The following PTPRT variants were observed in gnomAD, a reference collection of about 807,000 sequenced individuals.
PTPRT encodes receptor-type tyrosine-protein phosphatase T.
A neutral mutation model predicts 176.8 loss-of-function variants in PTPRT; 56 were observed. That is an observed-to-expected ratio of 0.32 (90% CI 0.26 to 0.40). PTPRT has a LOEUF of 0.40. PTPRT is among the 10% of genes least tolerant of loss of function. PTPRT has a pLI of 1.00. For synonymous variants in PTPRT, 783 were observed against 739.0 expected, an observed-to-expected ratio of 1.06 and a Z score of -0.96; for missense variants, 1,540 against 1,908.2, an observed-to-expected ratio of 0.81 and a Z score of 3.60.
chr20:43,005,768 C>A (rs1191881048), intron 1 of PTPRT, among the ~76,000 whole-genome samples: 1 of 152,116 alleles, frequency 6.6e-6, no homozygotes, highest in Non-Finnish European at 1.5e-5. Flanking sequence ...ATTTGGACAG[C>A]AGATCAAAAA....
intron 1 of PTPRT, among the ~76,000 whole-genome samples, chr20:42,968,204 G>A (rs139314853): frequency 1.6e-3 from 247 of 152,244 alleles, no homozygotes; most frequent in Non-Finnish European, 2.9e-3. Context: ...TTAACAGAGC[G>A]GAGTTGTCTC....
chr20:42,575,696 A>G (rs941558294), intron 7 of PTPRT, among the ~76,000 whole-genome samples: 8 of 152,152 alleles, frequency 5.3e-5, no homozygotes, highest in African/African-American at 1.9e-4. Context: ...AACACTAGGC[A>G]GTGGGCCACA....
At chr20:42,263,631 G>A (rs2056791384) in intron 13 of PTPRT, among the ~76,000 whole-genome samples, 1 of 150,858 alleles carries the variant, frequency 6.6e-6, no homozygotes, top group Non-Finnish European at 1.5e-5. Flanking sequence ...CGCCCACCTT[G>A]GCCTCCCAAA....
intron 7 of PTPRT, among the ~76,000 whole-genome samples, chr20:42,650,489 G>T (rs957690501): frequency 6.6e-6 from 1 of 152,154 alleles, no homozygotes. Context: ...TCAATCAGCT[G>T]CAGTAGAGGG....
chr20:42,084,766 C>T lies in PTPRT; in HGVS notation c.4052G>A (p.Arg1351His), dbSNP rs1270158620. ...TCGTCGGACCACTTTGAGCAGAGAG[C>T]GCTTGGAGGGGGGCGTGTCCCGGTA... The part of the protein sequence containing the change: ...PAYRDTPPSK[R>H]SLLKVVRRLE... The change falls in exon 29 of 31, where the codon CGC becomes CAC. Residue 1351 changes from arginine to histidine, a missense_variant. By Grantham distance (29) the Arg-to-His change is conservative (BLOSUM62 0). Around this residue, in one of 11 missense-constraint regions of PTPRT, gnomAD observed 342 missense variants for 394.0 expected, o/e 0.87. Transcript: ENST00000373187. 1.3e-5 allele frequency: 21 copies of T among 1,561,376 alleles called. No individual in the cohort carries two copies. Among genetic ancestry groups the T allele is most frequent in the African/African-American group, 8.1e-5 (6 of 73,976 alleles).
At chr20:42,698,035 T>G (rs548057244) in intron 6 of PTPRT, among the ~76,000 whole-genome samples, 1 of 152,228 alleles carries the variant, frequency 6.6e-6, no homozygotes, top group Non-Finnish European at 1.5e-5. Context: ...ATCATTCCTA[T>G]AGAGCTCTTC....
intron 17 of PTPRT, among the ~76,000 whole-genome samples, chr20:42,154,135 GGGC>G (rs1249460634): frequency 2.0e-5 from 3 of 152,166 alleles, no homozygotes; most frequent in Non-Finnish European, 4.4e-5. Flanking sequence ...ATTTGGGCGT[GGGC>G]CAGTAATTCC....
chr20:42,849,151 T>C (rs771215400), intron 2 of PTPRT, among the ~76,000 whole-genome samples: 3 of 152,318 alleles, frequency 2.0e-5, no homozygotes, highest in Non-Finnish European at 4.4e-5. Flanking sequence ...GAGTTCTCTA[T>C]TCTGTTCCAC....
intron 1 of PTPRT, among the ~76,000 whole-genome samples, chr20:43,075,781 A>G (rs577585765): frequency 6.6e-6 from 1 of 152,362 alleles, no homozygotes; most frequent in South Asian, 2.1e-4. Flanking sequence ...AATTTGGAAT[A>G]AAAATAAATG....
At chr20:42,415,541 T>A (rs906669218) in intron 9 of PTPRT, among the ~76,000 whole-genome samples, 6 of 152,164 alleles carry the variant, frequency 3.9e-5, no homozygotes, top group Admixed American at 2.0e-4. Flanking sequence ...GAAAACATTG[T>A]TCTCCTGCAT....
At chr20:42,947,985 T>TTGAATGAATGAA (rs57263700) in intron 1 of PTPRT, among the ~76,000 whole-genome samples, 6 of 152,152 alleles carry the variant, frequency 3.9e-5, no homozygotes, top group Middle Eastern at 3.4e-3. Context: ...CATGCATTTG[T>TTGAATGAATGAA]TGAATGAATG....
At chr20:42,963,231 C>T (rs1600599779) in intron 1 of PTPRT, among the ~76,000 whole-genome samples, 1 of 149,646 alleles carries the variant, frequency 6.7e-6, no homozygotes, top group Non-Finnish European at 1.5e-5. Flanking sequence ...AAAAACAGTA[C>T]AAAAATTAAC....
chr20:42,061,793 G>A, the PTPRT span, among the ~76,000 whole-genome samples: 1 of 152,196 alleles, frequency 6.6e-6, no homozygotes, highest in Admixed American at 6.5e-5. Context: ...GGGGTTCATG[G>A]TTCAGCCTCC....
chr20:42,273,413 T>G (rs12624403), intron 13 of PTPRT, among the ~76,000 whole-genome samples: 8,470 of 152,116 alleles, frequency 0.056, 332 homozygotes, highest in East Asian at 0.15. Flanking sequence ...TGGGGTTTCT[T>G]CTTGTTGGCC....
intron 1 of PTPRT, among the ~76,000 whole-genome samples, chr20:42,915,499 C>T (rs899077345): frequency 3.3e-5 from 5 of 152,234 alleles, no homozygotes; most frequent in African/African-American, 4.8e-5. Context: ...GATTTGCCCA[C>T]ACATTCTGTC....
At chr20:42,481,238 G>A (rs2071379112) in intron 7 of PTPRT, among the ~76,000 whole-genome samples, 1 of 149,788 alleles carries the variant, frequency 6.7e-6, no homozygotes. Context: ...CTCTTGTTAT[G>A]GAGGTAAAAT....
At chr20:43,135,814 T>C (rs2013815300) in intron 1 of PTPRT, among the ~76,000 whole-genome samples, 1 of 152,172 alleles carries the variant, frequency 6.6e-6, no homozygotes, top group South Asian at 2.1e-4. Context: ...GGTGGGGGGC[T>C]TTCGTCTTTC....
intron 11 of PTPRT, among the ~76,000 whole-genome samples, chr20:42,332,939 G>A (rs534379938): frequency 2.4e-4 from 37 of 152,302 alleles, no homozygotes; most frequent in Non-Finnish European, 1.5e-5. Flanking sequence ...GCAAAATCAT[G>A]TAAGGCAAAG....
intron 11 of PTPRT, among the ~76,000 whole-genome samples, chr20:42,341,500 C>A (rs950127780): frequency 1.2e-4 from 19 of 152,152 alleles, no homozygotes; most frequent in Non-Finnish European, 2.2e-4. Flanking sequence ...AAATATACAG[C>A]CCTGGTTTTC....
Sources: allele counts gnomAD v4.1 joint callset (sites outside exome capture counted in the v4.1 genomes callset), GRCh38; gene constraint gnomAD v4.1.1; regional missense constraint gnomAD v4.1.1; transcripts MANE v1.5; gene names NCBI Gene and HGNC (gene_info 2026-07-23, HGNC 2026-07-21).